The following FBRS variants were observed in gnomAD, a reference collection of about 807,000 sequenced individuals.
FBRS encodes probable fibrosin-1.
A neutral mutation model predicts 86.1 loss-of-function variants in FBRS; 15 were observed. That is an observed-to-expected ratio of 0.17 (90% CI 0.12 to 0.27). The LOEUF is 0.27. Ranked by LOEUF, FBRS falls within the 10% of genes least tolerant of loss-of-function variation. FBRS has a pLI of 1.00. For synonymous variants in FBRS, 666 were observed against 575.8 expected, an observed-to-expected ratio of 1.16 and a Z score of -2.24; for missense variants, 1,367 against 1,301.6, an observed-to-expected ratio of 1.05 and a Z score of -0.77.
chr16:30,669,485 G>A lies in FBRS; in HGVS notation c.2783G>A (p.Arg928His), dbSNP rs761622096. 31 of 1,613,082 alleles carry A rather than the reference G, an allele frequency of 1.9e-5. No homozygotes were observed. Among genetic ancestry groups the A allele is most frequent in the East Asian group, 1.1e-4 (5 of 44,886 alleles). ...CCTGCTCACCCCTTGCTCTACAGCC[G>A]CTTGGCTCCTCCACCACCACCTGCT... ...LEPAHPLLYS[R>H]LAPPPPPAAA... Residue 928 changes from arginine to histidine, a missense_variant, in exon 18 of 18, where the codon CGC (arginine) becomes CAC (histidine). Arg to His is a conservative substitution (Grantham distance 29). Around this residue, in one of 3 missense-constraint regions of FBRS, gnomAD observed 659 missense variants for 678.8 expected, o/e 0.97. Coordinates refer to ENST00000356166, the MANE Select transcript of FBRS (RefSeq NM_001105079.3). This position sits in a 1 kb window ranked among gnomAD's most constrained non-coding sequence, Gnocchi z 5.9.
chr16:30,666,337 A>C, intron 11 of FBRS, 175 bp from the exon 12 acceptor site: 1 of 738,360 alleles, frequency 1.4e-6, no homozygotes, highest in Non-Finnish European at 2.2e-6. Context: ...GTGCTGGAGG[A>C]GAGATGCCTA....
Position 30,665,227 on chromosome 16 carries a change from A to C in FBRS, c.1609-79A>C. ...AGCTCCCTGGGGGGCTTTAGGGTGG[A>C]GGCCCGTGGACTGACGGGCAGGCTG... On this transcript the variant is annotated intron_variant, in intron 9 of 17. Coordinates refer to ENST00000356166, the MANE Select transcript of FBRS (RefSeq NM_001105079.3). The surrounding 1 kb of genome is among the most constrained non-coding windows in gnomAD (Gnocchi z 4.1). 1 of 1,509,568 alleles carries C rather than the reference A, an allele frequency of 6.6e-7. No individual in the cohort carries two copies. The highest frequency in any genetic ancestry group is 2.4e-5 in the East Asian group (1 of 41,036). The allele number at this position is 1,509,568 out of a possible 1,614,324, so 93.5% of individuals were successfully genotyped here.
Position 30,669,665 on chromosome 16 carries a change from G to A in FBRS, c.*20G>A. ...AGGTGAGGGGAACGGGGGGGGGTCGGGGCAAAGCTCCATCTCCCCTTCCTT... is the reference window on the plus strand; with the variant it reads ...AGGTGAGGGGAACGGGGGGGGGTCGAGGCAAAGCTCCATCTCCCCTTCCTT... On this transcript the variant is annotated 3_prime_UTR_variant, in exon 18 of 18. Transcript: ENST00000356166. This position sits in a 1 kb window ranked among gnomAD's most constrained non-coding sequence, Gnocchi z 5.9. The A allele has an allele frequency of 6.4e-7, 1 of 1,567,520 alleles. No individual in the cohort carries two copies. Among genetic ancestry groups the A allele is most frequent in the Non-Finnish European group, 8.6e-7 (1 of 1,163,204 alleles).
At position 30,658,843 on chromosome 16, in the gene FBRS, G is replaced by T. The variant is rs1299214454; in HGVS notation, c.-676G>T. The T allele has an allele frequency of 6.6e-6, 1 of 152,264 alleles. No homozygotes were observed. 9.4% of individuals were successfully genotyped at this position (152,264 alleles called of 1,614,324 possible). A position where few individuals can be genotyped will look rare whatever the true frequency, so the allele number is the denominator to read the frequency against. On this transcript the variant is annotated 5_prime_UTR_variant, in exon 1 of 18. Transcript: ENST00000356166. ...GCCTTAAAGGGGAAGCCGCCGAGCA[G>T]ACGCTGACAAATTGAGAACTGTGCC...
chr16:30,662,415 C>CA lies in FBRS; in HGVS notation c.706-5_706-4insA. 1 of 1,550,540 alleles carries CA rather than the reference C, an allele frequency of 6.4e-7. No homozygotes were observed. The highest frequency in any genetic ancestry group is 8.7e-7 in the Non-Finnish European group (1 of 1,147,020). On this transcript the variant is annotated splice_region_variant and splice_polypyrimidine_tract_variant and intron_variant, in intron 4 of 17. Transcript: ENST00000356166. ...CTAACTCTATCCCTTGCCCTTCTTC[C>CA]CCAGGTCTCCGATGATGACCTCGAC...
In FBRS at chr16:30,662,824, T is replaced by C; in HGVS notation, c.1020T>C (p.Ser340=). ...LRVSPFGLRT[S]PYGSSLDLST... ...TCTCACCCTTCGGCCTCCGCACTTC[T>C]CCATATGGCAGCAGCCTGGACCTCA... is the stretch of plus-strand genomic sequence containing the variant. Residue 340 remains serine, a synonymous_variant, in exon 6 of 18, where the codon TCT becomes TCC. Transcript: ENST00000356166. 4.8e-6 allele frequency: 7 copies of C among 1,464,198 alleles called. No homozygotes were observed. The highest frequency in any genetic ancestry group is 5.4e-6 in the Non-Finnish European group (6 of 1,103,000). 90.7% of individuals were successfully genotyped at this position (1,464,198 alleles called of 1,614,324 possible).
intron 13 of FBRS, 59 bp from the exon 14 acceptor site, chr16:30,667,261 G>T: frequency 2.2e-6 from 3 of 1,344,730 alleles, no homozygotes; most frequent in Non-Finnish European, 3.1e-6. Flanking sequence ...GGGTGAGAGA[G>T]CAAGAGGGGG....
In FBRS at chr16:30,659,905, GGAGGAA is replaced by G; in HGVS notation, c.393_398del (p.Glu134_Glu135del). On this transcript the variant is annotated inframe_deletion, in exon 1 of 18. Coordinates refer to ENST00000356166, the MANE Select transcript of FBRS (RefSeq NM_001105079.3). ...GCGAAGCCGAGGAGGAGCCTGAGGA[GGAGGAA>G]GAGGAGGAGGAGGACTTGATCGATG... is the stretch of plus-strand genomic sequence containing the variant. 2 of 1,551,336 alleles carry G rather than the reference GGAGGAA, an allele frequency of 1.3e-6. No homozygotes were observed. The highest frequency in any genetic ancestry group is 8.7e-7 in the Non-Finnish European group (1 of 1,147,924).
In FBRS at chr16:30,659,836, G is replaced by A. The variant is rs562926125; in HGVS notation, c.318G>A (p.Gly106=). The change falls in exon 1 of 18, where the codon GGG becomes GGA. Residue 106 remains glycine (G), a synonymous_variant. Transcript: ENST00000356166. The part of the protein sequence containing the change: ...RKRPAGSGSR[G]EEEEEEEEEG... Reference sequence around the variant, plus strand: ...GGCCTGCCGGCTCGGGCAGCCGCGGGGAGGAAGAGGAGGAGGAGGAGGAGG... The same window carrying A: ...GGCCTGCCGGCTCGGGCAGCCGCGGAGAGGAAGAGGAGGAGGAGGAGGAGG... The A allele has an allele frequency of 5.0e-4, 759 of 1,528,086 alleles. 3 individuals carry two copies. In the Middle Eastern group the frequency reaches 7.2e-3, roughly 14 times the overall value. 94.7% of individuals were successfully genotyped at this position (1,528,086 alleles called of 1,614,324 possible).
At position 30,667,303 on chromosome 16, in the gene FBRS, C is replaced by T. The variant is rs1338528969; in HGVS notation, c.1876-17C>T. On this transcript the variant is annotated splice_polypyrimidine_tract_variant and intron_variant, in intron 13 of 17. Transcript: ENST00000356166. ...CTGGCTCCTCATGTACTGCCCCTCT[C>T]CCTGTGTCCCACACAGGGTGACTCC... The T allele has an allele frequency of 3.9e-6, 6 of 1,530,276 alleles. No homozygotes were observed. The highest frequency in any genetic ancestry group is 2.0e-5 in the Admixed American group (1 of 49,290). The allele number at this position is 1,530,276 out of a possible 1,614,324, so 94.8% of individuals were successfully genotyped here.
Position 30,669,234 on chromosome 16 carries a change from C to T in FBRS, c.2532C>T (p.Ala844=), listed in dbSNP as rs976824275. ...CCGCTGCTGCTGCCGCCGCCGCTGC[C>T]GCCGCCGCAGCAGCCACTGGGCCCC... is the stretch of plus-strand genomic sequence containing the variant. The part of the protein sequence containing the change: ...AAAAAAAAAA[A]AAAAATGPQG... The change falls in exon 18 of 18, where the codon GCC becomes GCT. Residue 844 remains alanine (A), a synonymous_variant. Transcript: ENST00000356166. This position sits in a 1 kb window ranked among gnomAD's most constrained non-coding sequence, Gnocchi z 5.9. The T allele has an allele frequency of 3.6e-5, 55 of 1,549,250 alleles. No homozygotes were observed. The highest frequency in any genetic ancestry group is 7.4e-5 in the East Asian group (3 of 40,814).
At chr16:30,666,473 G>A (rs756070993) in intron 11 of FBRS, 39 bp from the exon 12 acceptor site, 27 of 1,613,796 alleles carry the variant, frequency 1.7e-5, no homozygotes, top group Admixed American at 5.0e-5. Context: ...CCAGGACTCG[G>A]GTCTGAGTCG....
chr16:30,666,476 C>T (rs1262067979), intron 11 of FBRS, 36 bp from the exon 12 acceptor site: 1 of 1,613,988 alleles, frequency 6.2e-7, no homozygotes, highest in Non-Finnish European at 8.5e-7. Context: ...GGACTCGGGT[C>T]TGAGTCGCCT....
chr16:30,669,531 CCTT>C lies in FBRS; in HGVS notation c.2832_2834del (p.Leu945del). On this transcript the variant is annotated inframe_deletion, in exon 18 of 18. Coordinates refer to ENST00000356166, the MANE Select transcript of FBRS (RefSeq NM_001105079.3). The surrounding 1 kb of genome is among the most constrained non-coding windows in gnomAD (Gnocchi z 5.9). ...CTGCTGCGGCCCCGGGAACCCCTCA[CCTT>C]CTCAGCAAGACCCCACCGGGAGCCC... 2 of 1,613,046 alleles carry C rather than the reference CCTT, an allele frequency of 1.2e-6. No homozygotes were observed. Among genetic ancestry groups the C allele is most frequent in the Non-Finnish European group, 1.7e-6 (2 of 1,179,800 alleles).
At position 30,670,251 on chromosome 16, in the gene FBRS, G is replaced by A. The variant is rs1388636205; in HGVS notation, c.*606G>A. ...AAGGGGACTGCAGGGGGAAGAGCCG[G>A]GAAGGGACAGTCAGGCTTCTCCCTG... On this transcript the variant is annotated 3_prime_UTR_variant, in exon 18 of 18. Transcript: ENST00000356166. 2.2e-6 allele frequency: 1 copy of A among 456,008 alleles called. No homozygotes were observed. Among genetic ancestry groups the A allele is most frequent in the Non-Finnish European group, 4.4e-6 (1 of 226,112 alleles). 28.2% of individuals were successfully genotyped at this position (456,008 alleles called of 1,614,324 possible).
chr16:30,664,684 C>A, intron 7 of FBRS, 31 bp from the exon 8 acceptor site: 1 of 1,486,264 alleles, frequency 6.7e-7, no homozygotes, highest in Admixed American at 2.3e-5. Context: ...GTGGCGACAG[C>A]ATTAAAGCCT....
At chr16:30,667,676 G>A in intron 15 of FBRS, 54 bp downstream of exon 15, 1 of 1,415,536 alleles carries the variant, frequency 7.1e-7, no homozygotes, top group Non-Finnish European at 9.4e-7. Context: ...ACTTCCAGGA[G>A]ATGGAAATCA....
In FBRS at chr16:30,660,347, G is replaced by A. The variant is rs1487549140; in HGVS notation, c.544G>A (p.Ala182Thr). The A allele has an allele frequency of 6.2e-6, 8 of 1,292,064 alleles. No individual in the cohort carries two copies. Among genetic ancestry groups the A allele is most frequent in the Non-Finnish European group, 7.9e-6 (8 of 1,010,766 alleles). 80.0% of individuals were successfully genotyped at this position (1,292,064 alleles called of 1,614,324 possible). A position where few individuals can be genotyped will look rare whatever the true frequency, so the allele number is the denominator to read the frequency against. The change falls in exon 2 of 18, where the codon GCC becomes ACC. Residue 182 changes from alanine (A) to threonine (T), a missense_variant. By Grantham distance (58) the Ala-to-Thr change is moderately conservative. Around this residue, in one of 3 missense-constraint regions of FBRS, gnomAD observed 702 missense variants for 598.7 expected, o/e 1.17. Coordinates refer to ENST00000356166, the MANE Select transcript of FBRS (RefSeq NM_001105079.3). ...GCGGAAAAGGGGGGGCTCCAGTGGG[G>A]CCACCGGGGAGCCAGGGGACAGCTC... ...GKRKRGGSSGATGEPGDSSDR... is the reference protein window; with the variant it reads ...GKRKRGGSSGTTGEPGDSSDR...
Position 30,665,786 on chromosome 16 carries a change from T to G in FBRS, c.1773+80T>G. ...CAGAACTGACTTGAGGAGAGTGAAC[T>G]GCTGATTCCTCCCTTGAATTCACAA... On this transcript the variant is annotated intron_variant, in intron 11 of 17. Coordinates refer to ENST00000356166, the MANE Select transcript of FBRS (RefSeq NM_001105079.3). The surrounding 1 kb of genome is among the most constrained non-coding windows in gnomAD (Gnocchi z 4.1). The G allele has an allele frequency of 7.5e-7, 1 of 1,333,090 alleles. No homozygotes were observed. The highest frequency in any genetic ancestry group is 2.5e-5 in the East Asian group (1 of 39,276). The allele number at this position is 1,333,090 out of a possible 1,614,324, so 82.6% of individuals were successfully genotyped here.
Sources: gnomAD v4.1 joint callset for allele counts on GRCh38, gnomAD v4.1.1 for gene constraint, gnomAD v4.1.1 regional missense constraint, Gnocchi (gnomAD v3.1) non-coding constraint, MANE v1.5 for transcripts, NCBI Gene and HGNC (gene_info 2026-07-23, HGNC 2026-07-21) for gene names.